Variants in GRID1 observed in about 807,000 individuals in gnomAD.
GRID1 encodes the protein glutamate ionotropic receptor delta type subunit 1.
In GRID1, 28 loss-of-function variants were observed where a neutral mutation model predicts 98.0. The observed-to-expected ratio is 0.29, with a 90% CI of 0.21 to 0.39. The LOEUF (loss-of-function observed/expected upper bound fraction) is 0.39, where lower values mean the gene tolerates loss of function less well. Ranked by LOEUF, GRID1 falls within the 10% of genes least tolerant of loss-of-function variation. The pLI is 1.00. For missense variants in GRID1, 1,111 were observed against 1,340.5 expected (o/e 0.83, Z 2.67); for synonymous variants, 553 against 538.5 (o/e 1.03, Z -0.37).
chr10:85,928,462 G>A (rs1179394845), intron 4 of GRID1, among the ~76,000 whole-genome samples: 1 of 152,224 alleles, frequency 6.6e-6, no homozygotes, highest in South Asian at 2.1e-4. Flanking sequence ...TGTGGGAATC[G>A]GCACTGGCAG....
intron 5 of GRID1, among the ~76,000 whole-genome samples, chr10:85,911,810 G>T (rs1329690138): frequency 6.6e-6 from 1 of 152,138 alleles, no homozygotes; most frequent in Non-Finnish European, 1.5e-5. Context: ...GACCCACAGG[G>T]ATCACTGACT....
At chr10:86,191,945 T>G in intron 3 of GRID1, among the ~76,000 whole-genome samples, 1 of 151,196 alleles carries the variant, frequency 6.6e-6, no homozygotes, top group African/African-American at 2.4e-5. Context: ...CTTGAGGGAG[T>G]GATGAGAGAA....
At chr10:85,968,400 G>T (rs539537260) in intron 4 of GRID1, among the ~76,000 whole-genome samples, 3 of 146,986 alleles carry the variant, frequency 2.0e-5, no homozygotes, top group African/African-American at 7.7e-5. Flanking sequence ...GCTGTGAGCC[G>T]GGATCGCGCC....
At chr10:85,992,110 G>C (rs891562105) in intron 4 of GRID1, among the ~76,000 whole-genome samples, 1 of 152,096 alleles carries the variant, frequency 6.6e-6, no homozygotes, top group African/African-American at 2.4e-5. Context: ...AGGTGGGCTT[G>C]ACTTTGGAGA....
chr10:86,150,695 G>T (rs1845154626), intron 3 of GRID1, among the ~76,000 whole-genome samples: 1 of 152,162 alleles, frequency 6.6e-6, no homozygotes, highest in Non-Finnish European at 1.5e-5. Context: ...AACCCTCAAG[G>T]TGATGGTATT....
chr10:85,819,185 A>G (rs1417109874), intron 8 of GRID1, among the ~76,000 whole-genome samples: 4 of 152,224 alleles, frequency 2.6e-5, no homozygotes, highest in African/African-American at 9.6e-5. Context: ...GAAACATCAA[A>G]TCACCACAAA....
At chr10:86,070,433 T>C (rs1307047212) in intron 4 of GRID1, among the ~76,000 whole-genome samples, 1 of 152,174 alleles carries the variant, frequency 6.6e-6, no homozygotes, top group Non-Finnish European at 1.5e-5. Context: ...TGGCATAAAT[T>C]AAGATTATTA....
chr10:86,202,557 C>T (rs912863833), intron 3 of GRID1, among the ~76,000 whole-genome samples: 6 of 152,206 alleles, frequency 3.9e-5, no homozygotes, highest in Non-Finnish European at 5.9e-5. Context: ...TCTCAAATGT[C>T]GTCTTCTCTT....
At chr10:86,353,849 A>G (rs1211432993) in intron 2 of GRID1, among the ~76,000 whole-genome samples, 1 of 152,236 alleles carries the variant, frequency 6.6e-6, no homozygotes, top group Non-Finnish European at 1.5e-5. Context: ...TGTTACAGCC[A>G]TGGCAGGGAA....
chr10:86,209,930 G>A, intron 2 of GRID1, among the ~76,000 whole-genome samples: 1 of 152,164 alleles, frequency 6.6e-6, no homozygotes. Context: ...CATGCCACTG[G>A]CTCCTGCCCT....
At chr10:85,915,373 C>T (rs1034751785) in intron 5 of GRID1, among the ~76,000 whole-genome samples, 8 of 151,970 alleles carry the variant, frequency 5.3e-5, no homozygotes, top group Admixed American at 4.6e-4. Flanking sequence ...TACATACACA[C>T]TCACATGCAC....
chr10:86,090,220 C>T (rs972644417), intron 4 of GRID1, among the ~76,000 whole-genome samples: 3 of 151,250 alleles, frequency 2.0e-5, no homozygotes, highest in African/African-American at 4.9e-5. Context: ...GAGATCAAGA[C>T]CAGCCTGGGC....
rs560820678 is a variant in GRID1, at chr10:85,620,650, T to C, written c.2194-617A>G. On this transcript the variant is annotated intron_variant, in intron 13 of 15. Transcript: ENST00000327946. Reference sequence around the variant, plus strand: ...CATTAGGGACAGGGCTTGACTGTTATGGTGCCACGCCAGGCTTCTGCCACT... The same window carrying C: ...CATTAGGGACAGGGCTTGACTGTTACGGTGCCACGCCAGGCTTCTGCCACT... Among the ~76,000 whole-genome samples the C allele has an allele frequency of 2.0e-5, 3 of 152,290 alleles. No homozygotes were observed. In the East Asian group the frequency reaches 5.8e-4, roughly 29 times the overall value.
At chr10:86,065,837 C>T (rs114753175) in intron 4 of GRID1, among the ~76,000 whole-genome samples, 1 of 152,200 alleles carries the variant, frequency 6.6e-6, no homozygotes, top group Admixed American at 6.5e-5. Flanking sequence ...CTATTCAAAG[C>T]ATCTGTTAAT....
chr10:85,707,350 C>A (rs1379767962), intron 12 of GRID1, among the ~76,000 whole-genome samples: 7 of 152,088 alleles, frequency 4.6e-5, no homozygotes, highest in Non-Finnish European at 1.0e-4. Flanking sequence ...ATGCAGCCAA[C>A]AGACACATGA....
chr10:85,894,000 G>GA (rs1841242557), intron 5 of GRID1, among the ~76,000 whole-genome samples: 1 of 152,150 alleles, frequency 6.6e-6, no homozygotes, highest in Non-Finnish European at 1.5e-5. Context: ...CTAGAAAGGT[G>GA]AAAACGACGT....
At chr10:86,045,708 C>T (rs1050614466) in intron 4 of GRID1, among the ~76,000 whole-genome samples, 2 of 152,100 alleles carry the variant, frequency 1.3e-5, no homozygotes, top group African/African-American at 4.8e-5. Flanking sequence ...TCTGAATACT[C>T]CATCCAGCAA....
At chr10:85,734,816 T>C (rs1326215317) in intron 8 of GRID1, among the ~76,000 whole-genome samples, 2 of 152,178 alleles carry the variant, frequency 1.3e-5, no homozygotes, top group Non-Finnish European at 2.9e-5. Flanking sequence ...ATCCAAAATA[T>C]AAGGCCAGAA....
In GRID1 at chr10:86,320,811, C is replaced by T. The variant is rs11817446; in HGVS notation, c.235+43130G>A. 8.6e-3 allele frequency among the ~76,000 whole-genome samples: 1,308 copies of T among 152,068 alleles called. 18 individuals are homozygous for T. The highest frequency in any genetic ancestry group is 0.03 in the African/African-American group (1,251 of 41,472). The stretch of plus-strand genomic sequence containing the variant: ...TATTATTATTATTATAGTAAAATGT[C>T]GGAGAGAGCCGGGCGCGGTGGCTCA... On this transcript the variant is annotated intron_variant, in intron 2 of 15. Coordinates refer to ENST00000327946, the MANE Select transcript of GRID1 (RefSeq NM_017551.3).
Sources: gnomAD v4.1 joint callset for allele counts (sites outside exome capture counted in the v4.1 genomes callset) on GRCh38, gnomAD v4.1.1 for gene constraint, MANE v1.5 for transcripts, NCBI Gene and HGNC (gene_info 2026-07-23, HGNC 2026-07-21) for gene names.